DLGAP2: variants seen among roughly 807,000 people sequenced by gnomAD.
DLGAP2 encodes the protein DLG associated protein 2.
In DLGAP2, 26 loss-of-function variants were observed where a neutral mutation model predicts 100.3. The observed-to-expected ratio is 0.26, with a 90% CI of 0.19 to 0.36. DLGAP2 has a LOEUF of 0.36. Ranked by LOEUF, DLGAP2 falls within the 10% of genes least tolerant of loss-of-function variation. The pLI is 1.00. For synonymous variants in DLGAP2, 886 were observed against 630.1 expected, an observed-to-expected ratio of 1.41 and a Z score of -6.08; for missense variants, 1,858 against 1,453.2, an observed-to-expected ratio of 1.28 and a Z score of -4.53.
At chr8:1,047,737 C>G (rs1403506401) in intron 2 of DLGAP2, among the ~76,000 whole-genome samples, 2 of 152,000 alleles carry the variant, frequency 1.3e-5, no homozygotes, top group African/African-American at 2.4e-5. Context: ...GGACTCTACT[C>G]TCATTCATGA....
chr8:1,265,996 G>C (rs912634935), intron 3 of DLGAP2, among the ~76,000 whole-genome samples: 1 of 152,128 alleles, frequency 6.6e-6, no homozygotes, highest in Non-Finnish European at 1.5e-5. Context: ...CTTTATAATA[G>C]ATTCAAGATA....
chr8:1,538,078 G>C (rs1449159791), intron 4 of DLGAP2, among the ~76,000 whole-genome samples: 1 of 152,200 alleles, frequency 6.6e-6, no homozygotes, highest in African/African-American at 2.4e-5. Flanking sequence ...TGGGGCACCT[G>C]CAGGGCTCGG....
chr8:1,652,365 C>G (rs374032983), intron 8 of DLGAP2, among the ~76,000 whole-genome samples: 1 of 152,158 alleles, frequency 6.6e-6, no homozygotes, highest in African/African-American at 2.4e-5. Context: ...GGGTTTTCCT[C>G]GCTGCTGAAT....
intron 6 of DLGAP2, among the ~76,000 whole-genome samples, chr8:1,587,938 A>G (rs118163326): frequency 7.9e-5 from 12 of 152,324 alleles, no homozygotes; most frequent in African/African-American, 2.4e-4. Context: ...GCTCTTCACT[A>G]TACCAATGAG....
At chr8:1,212,083 C>A (rs1277601011) in intron 2 of DLGAP2, among the ~76,000 whole-genome samples, 1 of 152,086 alleles carries the variant, frequency 6.6e-6, no homozygotes, top group African/African-American at 2.4e-5. Flanking sequence ...CAAATGAAAA[C>A]ATTTAAACCT....
intron 14 of DLGAP2, among the ~76,000 whole-genome samples, chr8:1,698,776 G>T (rs1255591848): frequency 1.3e-5 from 2 of 150,462 alleles, no homozygotes; most frequent in South Asian, 4.2e-4. Flanking sequence ...GCCATGTTTG[G>T]GACAGGTCTG....
chr8:1,659,708 C>G (rs1024819154), intron 8 of DLGAP2, among the ~76,000 whole-genome samples: 10 of 152,132 alleles, frequency 6.6e-5, no homozygotes, highest in African/African-American at 2.2e-4. Context: ...AATATTCCTC[C>G]ATCCCTTTAC....
At chr8:1,677,005 C>G (rs544580763) in intron 11 of DLGAP2, among the ~76,000 whole-genome samples, 1 of 152,072 alleles carries the variant, frequency 6.6e-6, no homozygotes, top group Non-Finnish European at 1.5e-5. Flanking sequence ...CTTCATACAC[C>G]GTGAAATTGT....
intron 2 of DLGAP2, among the ~76,000 whole-genome samples, chr8:1,242,925 C>T (rs1798829541): frequency 1.1e-5 from 1 of 92,122 alleles, no homozygotes; most frequent in Admixed American, 1.2e-4. Flanking sequence ...GACAGATAGA[C>T]AGTGGATGGA....
intron 3 of DLGAP2, among the ~76,000 whole-genome samples, chr8:1,287,248 A>G (rs1799945011): frequency 8.7e-6 from 1 of 115,428 alleles, no homozygotes; most frequent in Non-Finnish European, 1.7e-5. Flanking sequence ...TTAGGAGGGG[A>G]ACTAGTTTTA....
At chr8:1,426,509 A>G (rs7825073) in intron 3 of DLGAP2, among the ~76,000 whole-genome samples, 32,419 of 152,198 alleles carry the variant, frequency 0.21, 3,874 homozygotes, top group Middle Eastern at 0.29. Context: ...AGTTGTATCC[A>G]GGGAACAGTG....
At chr8:807,232 C>T (rs1021142464) in intron 1 of DLGAP2, among the ~76,000 whole-genome samples, 3 of 151,810 alleles carry the variant, frequency 2.0e-5, no homozygotes, top group Non-Finnish European at 2.9e-5. Context: ...TTCATAAGTT[C>T]TCTCTCCTCT....
chr8:1,432,597 T>C (rs933786778), intron 3 of DLGAP2, among the ~76,000 whole-genome samples: 2 of 152,232 alleles, frequency 1.3e-5, no homozygotes, highest in Admixed American at 6.5e-5. Context: ...GTTGTAGTTC[T>C]AGAAAGTCAA....
chr8:1,197,912 C>T (rs1797787780), intron 2 of DLGAP2, among the ~76,000 whole-genome samples: 1 of 152,192 alleles, frequency 6.6e-6, no homozygotes, highest in African/African-American at 2.4e-5. Flanking sequence ...TGAGTGGAAT[C>T]AGGGTGCATC....
chr8:1,307,256 C>T (rs1277515482), intron 3 of DLGAP2, among the ~76,000 whole-genome samples: 1 of 152,004 alleles, frequency 6.6e-6, no homozygotes, highest in Non-Finnish European at 1.5e-5. Context: ...CACAAATGAC[C>T]AATAAGCACA....
chr8:984,307 T>C (rs897819239), intron 2 of DLGAP2, among the ~76,000 whole-genome samples: 1 of 152,178 alleles, frequency 6.6e-6, no homozygotes, highest in African/African-American at 2.4e-5. Context: ...AAGGATAATA[T>C]TCTCTGCCTC....
chr8:1,680,397 G>A lies in DLGAP2; in HGVS notation c.2704+1768G>A, dbSNP rs931811524. ...CAGAGAATAACGGCCTTGGAGCCTC[G>A]GCAGTCTGAGAAAATCAATGGCGTG... On this transcript the variant is annotated intron_variant, in intron 12 of 14. Coordinates refer to ENST00000637795, the MANE Select transcript of DLGAP2 (RefSeq NM_001346810.2). Among the ~76,000 whole-genome samples the A allele has an allele frequency of 3.9e-5, 6 of 152,144 alleles. No homozygotes were observed. The East Asian group carries it at 5.8e-4, about 15-fold the overall frequency.
chr8:1,639,226 G>C (rs1797840094), intron 8 of DLGAP2, among the ~76,000 whole-genome samples: 1 of 152,130 alleles, frequency 6.6e-6, no homozygotes, highest in Admixed American at 6.5e-5. Context: ...AGAGGCCTGA[G>C]ACCAGAGCCC....
chr8:1,410,354 G>T (rs1251020026), intron 3 of DLGAP2, among the ~76,000 whole-genome samples: 2 of 152,182 alleles, frequency 1.3e-5, no homozygotes, highest in African/African-American at 2.4e-5. Flanking sequence ...CAGCCTCACG[G>T]TGAGGAGCTC....
Sources: allele counts gnomAD v4.1 joint callset (sites outside exome capture counted in the v4.1 genomes callset), GRCh38; gene constraint gnomAD v4.1.1; transcripts MANE v1.5; gene names NCBI Gene and HGNC (gene_info 2026-07-23, HGNC 2026-07-21).